Variants in FASTKD1 observed in about 807,000 individuals in gnomAD.
FASTKD1 encodes FAST kinase domains 1, also known as FAST kinase domain-containing protein 1, mitochondrial.
In FASTKD1, 94 loss-of-function variants were observed where a neutral mutation model predicts 90.9. The observed-to-expected ratio is 1.03, with a 90% CI of 0.88 to 1.23. The LOEUF (loss-of-function observed/expected upper bound fraction) is 1.23. Ranked by LOEUF, FASTKD1 falls within the 50% of genes most tolerant of loss-of-function variation. The pLI, the probability that FASTKD1 is intolerant of heterozygous loss-of-function variation, is 0.00. For missense variants in FASTKD1, 945 were observed against 993.5 expected (o/e 0.95, Z 0.66); for synonymous variants, 319 against 345.8 (o/e 0.92, Z 0.86).
chr2:169,560,847 T>TC, intron 4 of FASTKD1, 62 bp from the exon 5 acceptor site: 8 of 1,271,636 alleles, frequency 6.3e-6, no homozygotes, highest in Non-Finnish European at 5.2e-6. Context: ...TTCTTTTTTT[T>TC]TTTTTTTTTT....
At chr2:169,565,248 G>GTTT (rs1559159903) in intron 3 of FASTKD1, among the ~76,000 whole-genome samples, 1 of 67,778 alleles carries the variant, frequency 1.5e-5, no homozygotes, top group African/African-American at 5.0e-5. Flanking sequence ...ACCACACCAG[G>GTTT]CTTTTTTTTT....
At chr2:169,568,873 G>T (rs545252983) in intron 3 of FASTKD1, among the ~76,000 whole-genome samples, 74 of 151,492 alleles carry the variant, frequency 4.9e-4, no homozygotes, top group African/African-American at 1.7e-3. Flanking sequence ...CATGGTGGGT[G>T]CCTATAATCC....
intron 7 of FASTKD1, among the ~76,000 whole-genome samples, chr2:169,547,110 T>G (rs533829389): frequency 6.6e-6 from 1 of 152,290 alleles, no homozygotes; most frequent in East Asian, 1.9e-4. Context: ...CTCTTTGGGT[T>G]TGATTAATTT....
chr2:169,549,120 C>T (rs1472703173), intron 7 of FASTKD1, among the ~76,000 whole-genome samples: 2 of 150,494 alleles, frequency 1.3e-5, no homozygotes, highest in Non-Finnish European at 3.0e-5. Context: ...AATAGCTGGG[C>T]GTGGTGGCTC....
At chr2:169,532,770 A>G (rs774333468) in intron 12 of FASTKD1, among the ~76,000 whole-genome samples, 338 of 28,546 alleles carry the variant, frequency 0.012, 1 homozygote, top group Non-Finnish European at 0.014. Context: ...TAAGATCCCA[A>G]TTTGGACAAA....
chr2:169,561,808 T>TTTATTGTAAATTATTTATTAAC (rs1683642352), intron 4 of FASTKD1, among the ~76,000 whole-genome samples: 1 of 146,304 alleles, frequency 6.8e-6, no homozygotes, highest in Non-Finnish European at 1.5e-5. Context: ...TATTTATTAA[T>TTTATTGTAAATTATTTATTAAC]TTATTGTAAA....
intron 7 of FASTKD1, among the ~76,000 whole-genome samples, chr2:169,547,299 T>A (rs927260115): frequency 4.6e-5 from 7 of 152,224 alleles, no homozygotes; most frequent in African/African-American, 1.4e-4. Context: ...TGTTCGGCTA[T>A]CCGGAAGCAG....
Position 169,546,285 on chromosome 2 carries a change from C to G in FASTKD1, c.1634G>C (p.Ser545Thr), listed in dbSNP as rs369531208. 29 of 1,613,358 alleles carry G rather than the reference C, an allele frequency of 1.8e-5. No individual in the cohort carries two copies. In the East Asian group the frequency reaches 2.0e-4, roughly 11 times the overall value. Residue 545 changes from serine to threonine, a missense_variant, in exon 8 of 15, where the codon AGT (serine) becomes ACT (threonine). Transcript: ENST00000453153. ...NVGEIASFISSTDYLSTLLLD... is the reference protein window; with the variant it reads ...NVGEIASFISTTDYLSTLLLD... ...TAGCAAAGTACTGAGGTAATCAGTA[C>G]TAGAAATAAAAGATGCAATCTCCCC...
intron 5 of FASTKD1, among the ~76,000 whole-genome samples, chr2:169,559,981 G>C (rs946304745): frequency 2.0e-5 from 3 of 152,128 alleles, no homozygotes; most frequent in Non-Finnish European, 2.9e-5. Flanking sequence ...TAAATGCTTT[G>C]ATGATTATTG....
chr2:169,540,214 C>A, intron 9 of FASTKD1, 35 bp from the exon 10 acceptor site: 1 of 1,496,134 alleles, frequency 6.7e-7, no homozygotes, highest in Non-Finnish European at 9.1e-7. Flanking sequence ...AAAGGTATAG[C>A]TGCCTCACTT....
In FASTKD1 at chr2:169,571,636, AAAAGT is replaced by A; in HGVS notation, c.377+12_377+16del. On this transcript the variant is annotated intron_variant, in intron 2 of 14. Coordinates refer to ENST00000453153, the MANE Select transcript of FASTKD1 (RefSeq NM_024622.6). ...ACTATATAATCATTCCATAAAATAT[AAAAGT>A]AAATTACTTACTGTTGTGTGACGTA... 1 of 1,426,036 alleles carries A rather than the reference AAAAGT, an allele frequency of 7.0e-7. No individual in the cohort carries two copies. Among genetic ancestry groups the A allele is most frequent in the Non-Finnish European group, 9.6e-7 (1 of 1,045,744 alleles). The allele number at this position is 1,426,036 out of a possible 1,614,324, so 88.3% of individuals were successfully genotyped here. A position where few individuals can be genotyped will look rare whatever the true frequency, so the allele number is the denominator to read the frequency against.
chr2:169,541,672 C>T (rs1684962758), intron 9 of FASTKD1, among the ~76,000 whole-genome samples: 1 of 152,144 alleles, frequency 6.6e-6, no homozygotes, highest in African/African-American at 2.4e-5. Context: ...ACCAGCTTCA[C>T]CAGAGGTCTA....
chr2:169,532,667 GA>G (rs373635758), intron 12 of FASTKD1, among the ~76,000 whole-genome samples: 3,315 of 147,822 alleles, frequency 0.022, 104 homozygotes, highest in African/African-American at 0.075. Flanking sequence ...TCGAAATGTG[GA>G]AAAAAAAAAC....
At chr2:169,567,135 T>G (rs889333438) in intron 3 of FASTKD1, among the ~76,000 whole-genome samples, 1 of 152,076 alleles carries the variant, frequency 6.6e-6, no homozygotes, top group Admixed American at 6.6e-5. Flanking sequence ...AAACATAAGT[T>G]TATAGATATT....
intron 11 of FASTKD1, 77 bp from the exon 12 acceptor site, chr2:169,537,417 T>G: frequency 1.1e-6 from 1 of 946,282 alleles, no homozygotes; most frequent in Non-Finnish European, 1.6e-6. Flanking sequence ...GAGTTTTCGC[T>G]CTTGTTGCCC....
chr2:169,543,332 G>T (rs558948654), intron 9 of FASTKD1, among the ~76,000 whole-genome samples: 1 of 152,036 alleles, frequency 6.6e-6, no homozygotes, highest in East Asian at 1.9e-4. Flanking sequence ...GCGTAGTGGC[G>T]CATGCCTGTA....
At chr2:169,540,206 AG>A (rs1425032731) in intron 9 of FASTKD1, 27 bp from the exon 10 acceptor site, 1 of 1,516,880 alleles carries the variant, frequency 6.6e-7, no homozygotes, top group African/African-American at 1.4e-5. Context: ...ATTTTTTTAA[AG>A]GTATAGCTGC....
intron 12 of FASTKD1, among the ~76,000 whole-genome samples, chr2:169,535,977 T>C (rs1231655240): frequency 6.6e-6 from 1 of 151,526 alleles, no homozygotes; most frequent in Non-Finnish European, 1.5e-5. Context: ...TTTTTTTTTT[T>C]CAAGTAAGAT....
At chr2:169,552,251 T>C (rs1263025747) in intron 7 of FASTKD1, among the ~76,000 whole-genome samples, 1 of 152,240 alleles carries the variant, frequency 6.6e-6, no homozygotes, top group African/African-American at 2.4e-5. Context: ...CAGAATTTAA[T>C]AAGCTTTAAC....
Sources: allele counts gnomAD v4.1 joint callset (sites outside exome capture counted in the v4.1 genomes callset), GRCh38; gene constraint gnomAD v4.1.1; transcripts MANE v1.5; gene names NCBI Gene and HGNC (gene_info 2026-07-23, HGNC 2026-07-21).